The following EPHB1 variants were observed in gnomAD, a reference collection of about 807,000 sequenced individuals.
EPHB1 encodes ephrin type-B receptor 1.
In EPHB1, 30 loss-of-function variants were observed where a neutral mutation model predicts 94.4. The ratio of observed to expected loss-of-function variants is 0.32; its 90% CI spans 0.24 to 0.43. The LOEUF is 0.43. Among genes scored for constraint, EPHB1 ranks in the 20% least tolerant of loss-of-function variants. EPHB1 has a pLI of 1.00. For missense variants in EPHB1, 1,055 were observed against 1,308.3 expected, an observed-to-expected ratio of 0.81 and a Z score of 2.99; for synonymous variants, 522 against 489.1, an observed-to-expected ratio of 1.07 and a Z score of -0.89.
rs1166499752 is a variant in EPHB1, at chr3:135,201,483, G to A, written c.2140G>A (p.Gly714Arg). The A allele has an allele frequency of 5.6e-6, 9 of 1,613,772 alleles. No homozygotes were observed. The highest frequency in any genetic ancestry group is 4.5e-5 in the East Asian group (2 of 44,854). The change falls in exon 12 of 16, where the codon GGG (glycine) becomes AGG (arginine). Residue 714 changes from glycine (G) to arginine (R), a missense_variant. By Grantham distance (125) the Gly-to-Arg change is moderately radical. Transcript: ENST00000398015. ...ALDSFLRQND[G>R]QFTVIQLVGM... ...CTATGTCTTATTACAGCAAAATGAC[G>A]GGCAGTTCACCGTGATCCAGCTTGT...
intron 1 of EPHB1, among the ~76,000 whole-genome samples, chr3:134,871,600 G>A (rs962264543): frequency 6.6e-6 from 1 of 152,002 alleles, no homozygotes; most frequent in South Asian, 2.1e-4. Context: ...TATTTATTGA[G>A]TGTATTGCAC....
chr3:134,887,962 C>T (rs918175078), intron 1 of EPHB1, among the ~76,000 whole-genome samples: 15 of 152,198 alleles, frequency 9.9e-5, no homozygotes, highest in African/African-American at 2.9e-4. Context: ...AGAGTGAGAG[C>T]TTTTGCAAGT....
intron 3 of EPHB1, among the ~76,000 whole-genome samples, chr3:134,982,413 A>G (rs918072479): frequency 2.0e-5 from 3 of 152,228 alleles, no homozygotes; most frequent in East Asian, 1.9e-4. Context: ...TTCTTTTCAC[A>G]TGGAATGCAA....
intron 13 of EPHB1, among the ~76,000 whole-genome samples, chr3:135,242,159 C>G (rs1028559285): frequency 6.6e-6 from 1 of 152,198 alleles, no homozygotes; most frequent in African/African-American, 2.4e-5. Context: ...CTCCAGGGAC[C>G]AGGCCTCTTT....
intron 5 of EPHB1, among the ~76,000 whole-genome samples, chr3:135,151,501 A>G (rs1941192962): frequency 6.6e-6 from 1 of 151,210 alleles, no homozygotes; most frequent in Non-Finnish European, 1.5e-5. Flanking sequence ...TCCCCTTTCC[A>G]TTTTTTCATG....
intron 4 of EPHB1, among the ~76,000 whole-genome samples, chr3:135,119,361 T>C (rs905176647): frequency 6.6e-6 from 1 of 152,236 alleles, no homozygotes; most frequent in African/African-American, 2.4e-5. Flanking sequence ...TGGAGATTGG[T>C]GTCTTGAGCT....
chr3:135,081,042 C>G (rs1576368452), intron 3 of EPHB1, among the ~76,000 whole-genome samples: 1 of 152,314 alleles, frequency 6.6e-6, no homozygotes, highest in African/African-American at 2.4e-5. Flanking sequence ...CAGGCATCCT[C>G]TATTGCAAAT....
At chr3:134,803,170 A>C (rs565476710) in intron 1 of EPHB1, among the ~76,000 whole-genome samples, 1 of 151,996 alleles carries the variant, frequency 6.6e-6, no homozygotes, top group South Asian at 2.1e-4. Context: ...AATTACCAGG[A>C]CTCATTTCTG....
intron 1 of EPHB1, among the ~76,000 whole-genome samples, chr3:134,803,660 A>T (rs2035975347): frequency 6.6e-6 from 1 of 152,132 alleles, no homozygotes. Flanking sequence ...CTTTGTATCT[A>T]AGCATTTTTT....
intron 15 of EPHB1, among the ~76,000 whole-genome samples, chr3:135,251,711 C>G (rs1933107126): frequency 6.6e-6 from 1 of 152,212 alleles, no homozygotes; most frequent in Admixed American, 6.5e-5. Context: ...CAACCAGCAG[C>G]ATCCCTTGGG....
intron 1 of EPHB1, among the ~76,000 whole-genome samples, chr3:134,809,931 A>T (rs1401882833): frequency 6.6e-6 from 1 of 152,212 alleles, no homozygotes; most frequent in African/African-American, 2.4e-5. Context: ...GCTGAGGTTC[A>T]CTAAGGAGGA....
chr3:135,166,059 C>T lies in EPHB1; in HGVS notation c.1677C>T (p.Ile559=), dbSNP rs752991432. Residue 559 remains isoleucine, a synonymous_variant, in exon 8 of 16, where the codon ATC becomes ATT. Coordinates refer to ENST00000398015, the MANE Select transcript of EPHB1 (RefSeq NM_004441.5). ...TGTTCGTTGTGTCCTTGGTGGCCAT[C>T]TCTATCGTCTGTAGCAGGTAGGTCC... is the stretch of plus-strand genomic sequence containing the variant. ...GVVFVVSLVA[I]SIVCSRKRAY... 2 of 1,613,804 alleles carry T rather than the reference C, an allele frequency of 1.2e-6. No individual in the cohort carries two copies. The highest frequency in any genetic ancestry group is 1.7e-6 in the Non-Finnish European group (2 of 1,179,752).
At position 134,941,795 on chromosome 3, in the gene EPHB1, ACAC is replaced by A. The variant is rs1235404790; in HGVS notation, c.124-9575_124-9573del. ...CACACACACACACACACACACACAC[ACAC>A]AATCAGCCAGACTGCAGAGAGTCAA... On this transcript the variant is annotated intron_variant, in intron 2 of 15. Coordinates refer to ENST00000398015, the MANE Select transcript of EPHB1 (RefSeq NM_004441.5). Among the ~76,000 whole-genome samples the A allele has an allele frequency of 4.1e-4, 58 of 141,112 alleles. No individual in the cohort carries two copies. In the Admixed American group the frequency reaches 4.6e-3, roughly 11 times the overall value. 92.6% of individuals were successfully genotyped at this position (141,112 alleles called of 152,430 possible).
intron 12 of EPHB1, among the ~76,000 whole-genome samples, chr3:135,208,294 T>C (rs1942953126): frequency 2.0e-5 from 1 of 51,246 alleles, no homozygotes; most frequent in African/African-American, 8.8e-5. Flanking sequence ...TCATGACGTG[T>C]GTGTGTGTGT....
At position 135,193,167 on chromosome 3, in the gene EPHB1, C is replaced by T. The variant is rs548841259; in HGVS notation, c.2130+344C>T. Reference sequence around the variant, plus strand: ...CCTGTGTGATTCATGCAGACATCCGCGGCCATCTCTGCCTTTCATCAGCAC... The same window carrying T: ...CCTGTGTGATTCATGCAGACATCCGTGGCCATCTCTGCCTTTCATCAGCAC... On this transcript the variant is annotated intron_variant, in intron 11 of 15. Coordinates refer to ENST00000398015, the MANE Select transcript of EPHB1 (RefSeq NM_004441.5). 1.4e-4 allele frequency among the ~76,000 whole-genome samples: 22 copies of T among 152,328 alleles called. No homozygotes were observed. In the East Asian group the frequency reaches 1.5e-3, roughly 11 times the overall value.
chr3:135,188,973 GGTAACCAACCACAAA>G (rs144404335), intron 10 of EPHB1, among the ~76,000 whole-genome samples: 5,000 of 152,198 alleles, frequency 0.033, 126 homozygotes, highest in Middle Eastern at 0.085. Flanking sequence ...TGACCACGAA[GGTAACCAACCACAAA>G]GTCCACCATG....
intron 4 of EPHB1, among the ~76,000 whole-genome samples, chr3:135,127,593 T>A (rs1036383087): frequency 6.6e-6 from 1 of 152,194 alleles, no homozygotes; most frequent in African/African-American, 2.4e-5. Context: ...TTAAGATTCC[T>A]GATAAAGGAA....
chr3:134,936,724 GAAGGACAGCCTACATGACAAATGT>G (rs1218231442), intron 2 of EPHB1, among the ~76,000 whole-genome samples: 32 of 152,212 alleles, frequency 2.1e-4, no homozygotes, highest in Non-Finnish European at 4.4e-4. Flanking sequence ...CCAGTGTCAC[GAAGGACAGCCTACATGACAAATGT>G]AGGAGTCAAG....
At chr3:135,121,826 C>G (rs867874161) in intron 4 of EPHB1, among the ~76,000 whole-genome samples, 10 of 150,938 alleles carry the variant, frequency 6.6e-5, no homozygotes, top group African/African-American at 2.2e-4. Context: ...TTTAATTGTA[C>G]AGGTGTGCAC....
Sources: gnomAD v4.1 joint callset for allele counts (sites outside exome capture counted in the v4.1 genomes callset) on GRCh38, gnomAD v4.1.1 for gene constraint, MANE v1.5 for transcripts, NCBI Gene and HGNC (gene_info 2026-07-23, HGNC 2026-07-21) for gene names.